The following CFAP47 variants were observed in gnomAD, a reference collection of about 807,000 sequenced individuals.
The protein encoded by CFAP47 is cilia and flagella associated protein 47.
A neutral mutation model predicts 148.1 loss-of-function variants in CFAP47; 29 were observed. That is an observed-to-expected ratio of 0.20 (90% CI 0.15 to 0.27). The LOEUF (loss-of-function observed/expected upper bound fraction) is 0.27, where lower values mean the gene tolerates loss of function less well. Ranked by LOEUF, CFAP47 falls within the 10% of genes least tolerant of loss-of-function variation. The pLI, the probability that CFAP47 is intolerant of heterozygous loss-of-function variation, is 1.00. For synonymous variants in CFAP47, 664 were observed against 577.3 expected, an observed-to-expected ratio of 1.15 and a Z score of -2.15; for missense variants, 1,872 against 1,697.5, an observed-to-expected ratio of 1.10 and a Z score of -1.81.
chrX:36,175,362 G>T (rs1939657548), intron 39 of CFAP47, among the ~76,000 whole-genome samples: 2 of 112,242 alleles, frequency 1.8e-5, no homozygotes, highest in South Asian at 7.4e-4. Flanking sequence ...TCCTTTGGAG[G>T]AGGAGAGGCG....
At chrX:35,943,210 G>T (rs1317718678) in intron 3 of CFAP47, among the ~76,000 whole-genome samples, 1 of 111,754 alleles carries the variant, frequency 8.9e-6, no homozygotes, top group Admixed American at 9.5e-5. Context: ...TCTGAAAATA[G>T]ATTCAGCCAT....
At chrX:35,987,445 C>T (rs1027154810) in intron 15 of CFAP47, among the ~76,000 whole-genome samples, 2 of 110,997 alleles carry the variant, frequency 1.8e-5, no homozygotes, top group African/African-American at 6.6e-5. Context: ...TCAGTAATGG[C>T]AGACGCCCCT....
At chrX:36,147,017 A>C (rs1451628078) in intron 36 of CFAP47, among the ~76,000 whole-genome samples, 4 of 110,870 alleles carry the variant, frequency 3.6e-5, no homozygotes, top group Non-Finnish European at 7.6e-5. Flanking sequence ...TCCTGACCTC[A>C]GGTGATCCAC....
chrX:36,366,853 T>C, intron 61 of CFAP47, 113 bp from the exon 62 acceptor site: 1 of 386,702 alleles, frequency 2.6e-6, no homozygotes, highest in Non-Finnish European at 4.2e-6. Context: ...GTCCTAGTGT[T>C]TTCACTGAAA....
At chrX:35,960,409 G>GAAAAAAAAAT (rs1936313788) in intron 8 of CFAP47, among the ~76,000 whole-genome samples, 1 of 69,695 alleles carries the variant, frequency 1.4e-5, no homozygotes, top group African/African-American at 9.2e-5. Flanking sequence ...AAAAAAAAAG[G>GAAAAAAAAAT]ACAGCTGGAA....
chrX:36,065,585 T>C, intron 26 of CFAP47, 58 bp from the exon 27 acceptor site: 1 of 628,420 alleles, frequency 1.6e-6, no homozygotes, highest in Non-Finnish European at 2.6e-6. Context: ...CTTAAATGCA[T>C]GGCATTTACT....
At chrX:36,198,766 A>G (rs1003975200) in intron 42 of CFAP47, among the ~76,000 whole-genome samples, 3 of 111,938 alleles carry the variant, frequency 2.7e-5, no homozygotes, top group Admixed American at 1.9e-4. Flanking sequence ...AGGAAGGTAT[A>G]ATGAGGCATG....
chrX:36,135,651 A>G (rs1290187474), intron 33 of CFAP47, among the ~76,000 whole-genome samples: 1 of 112,038 alleles, frequency 8.9e-6, no homozygotes, highest in African/African-American at 3.2e-5. Context: ...GTGCTAACAG[A>G]TGACGGTAGG....
intron 4 of CFAP47, among the ~76,000 whole-genome samples, chrX:35,949,902 G>A (rs960073195): frequency 3.6e-5 from 4 of 111,804 alleles, no homozygotes; most frequent in Non-Finnish European, 5.6e-5. Flanking sequence ...TTTCATATTA[G>A]GAATACTCAG....
At chrX:35,961,267 A>G (rs1936327028) in intron 8 of CFAP47, among the ~76,000 whole-genome samples, 1 of 111,911 alleles carries the variant, frequency 8.9e-6, no homozygotes, top group African/African-American at 3.2e-5. Flanking sequence ...ATATATTCAT[A>G]AGGGACATAA....
At chrX:36,043,209 G>A (rs1053412580) in intron 25 of CFAP47, among the ~76,000 whole-genome samples, 4 of 111,852 alleles carry the variant, frequency 3.6e-5, no homozygotes, top group African/African-American at 1.3e-4. Flanking sequence ...AAACATTTAA[G>A]TATTAATATA....
chrX:36,036,397 G>A lies in CFAP47; in HGVS notation c.3811+543G>A, dbSNP rs1471339582. Among the ~76,000 whole-genome samples the A allele has an allele frequency of 3.0e-5, 3 of 99,558 alleles. No homozygotes were observed. The South Asian group carries it at 1.3e-3, about 44-fold the overall frequency. 86.5% of individuals were successfully genotyped at this position (99,558 alleles called of 115,157 possible). On this transcript the variant is annotated intron_variant, in intron 24 of 63. Transcript: ENST00000378653. ...GGAAAGGGCAGGATTTTCTTCTTTT[G>A]TATGAACGAATAATAGTCTATTGTG...
At chrX:35,945,871 C>CTTTT (rs34966421) in intron 3 of CFAP47, among the ~76,000 whole-genome samples, 6 of 87,709 alleles carry the variant, frequency 6.8e-5, no homozygotes, top group East Asian at 3.6e-4. Context: ...TTCTCCTTCT[C>CTTTT]TTTTTTTTTT....
intron 49 of CFAP47, among the ~76,000 whole-genome samples, chrX:36,270,010 T>G (rs1260603147): frequency 8.9e-6 from 1 of 112,190 alleles, no homozygotes; most frequent in Non-Finnish European, 1.9e-5. Flanking sequence ...TAATGCTGAG[T>G]AGTATTTAAT....
chrX:36,336,244 GACACACACAC>G (rs781925226), intron 57 of CFAP47, among the ~76,000 whole-genome samples: 2,848 of 65,647 alleles, frequency 0.043, 74 homozygotes, highest in African/African-American at 0.1. Context: ...CAGACACACA[GACACACACAC>G]ACACACACAC....
chrX:36,183,817 T>A (rs1818991214), intron 40 of CFAP47, among the ~76,000 whole-genome samples: 1 of 111,862 alleles, frequency 8.9e-6, no homozygotes, highest in African/African-American at 3.2e-5. Context: ...AACGTATCAG[T>A]GTAGACAACT....
chrX:36,288,822 C>A (rs56246251), intron 51 of CFAP47, among the ~76,000 whole-genome samples: 13,748 of 110,105 alleles, frequency 0.12, 694 homozygotes, highest in East Asian at 0.26. Flanking sequence ...TGCTTGAGCT[C>A]GGGAGTTTGA....
At chrX:36,261,085 C>T (rs1940811625) in intron 49 of CFAP47, among the ~76,000 whole-genome samples, 2 of 106,551 alleles carry the variant, frequency 1.9e-5, no homozygotes, top group South Asian at 8.0e-4. Context: ...TGTACAGGTA[C>T]CTTGCCATTT....
chrX:36,160,695 C>T lies in CFAP47; in HGVS notation c.5952C>T (p.Cys1984=), dbSNP rs140766362. ...TTTTACTTTAGGACATTATAAAATG[C>T]GAAAGCCCATGTTATCAATTTCAGG... ...LDFKAIDIIK[C]ESPCYQFQEV... Residue 1984 remains cysteine, a synonymous_variant, in exon 39 of 64, where the codon TGC becomes TGT. Coordinates refer to ENST00000378653, the MANE Select transcript of CFAP47 (RefSeq NM_001304548.2). 1,839 of 292,080 alleles carry T rather than the reference C, an allele frequency of 6.3e-3. 27 individuals are homozygous for T. The highest frequency in any genetic ancestry group is 0.045 in the African/African-American group (1,617 of 35,811). 24.1% of individuals were successfully genotyped at this position (292,080 alleles called of 1,213,427 possible). A position where few individuals can be genotyped will look rare whatever the true frequency, so the allele number is the denominator to read the frequency against.
Sources: allele counts gnomAD v4.1 joint callset (sites outside exome capture counted in the v4.1 genomes callset), GRCh38; gene constraint gnomAD v4.1.1; transcripts MANE v1.5; gene names NCBI Gene and HGNC (gene_info 2026-07-23, HGNC 2026-07-21).